The following CPA6 variants were observed in gnomAD, a reference collection of about 807,000 sequenced individuals.
The protein encoded by CPA6 is carboxypeptidase A6, also known as carboxypeptidase B.
A neutral mutation model predicts 63.3 loss-of-function variants in CPA6; 58 were observed. The observed-to-expected ratio is 0.92, with a 90% CI of 0.74 to 1.14. The LOEUF is 1.14. CPA6 is among the 50% of genes most tolerant of loss of function. The pLI, the probability that CPA6 is intolerant of heterozygous loss-of-function variation, is 0.00. For missense variants in CPA6, 565 were observed against 526.6 expected, an observed-to-expected ratio of 1.07 and a Z score of -0.71; for synonymous variants, 185 against 179.0, an observed-to-expected ratio of 1.03 and a Z score of -0.27.
chr8:67,483,164 C>G (rs1587478317), intron 8 of CPA6: 1 of 152,510 alleles, frequency 6.6e-6, no homozygotes, highest in Non-Finnish European at 1.5e-5. Context: ...TGCAAGTAAA[C>G]TAGCCATGAC....
At chr8:67,675,029 G>A (rs1336947292) in intron 1 of CPA6, among the ~76,000 whole-genome samples, 1 of 152,076 alleles carries the variant, frequency 6.6e-6, no homozygotes, top group Non-Finnish European at 1.5e-5. Flanking sequence ...TAGAGGGAGG[G>A]AGCAGGGGCA....
chr8:67,606,957 G>A (rs1488957657), intron 2 of CPA6, among the ~76,000 whole-genome samples: 2 of 152,140 alleles, frequency 1.3e-5, no homozygotes, highest in Non-Finnish European at 2.9e-5. Context: ...GGTCAGGTCT[G>A]TGATATTGTG....
chr8:67,423,384 C>T (rs929112766), intron 10 of CPA6, among the ~76,000 whole-genome samples: 3 of 152,218 alleles, frequency 2.0e-5, no homozygotes, highest in South Asian at 2.1e-4. Context: ...TGTGCCTGGC[C>T]CCAGAAAACC....
intron 1 of CPA6, among the ~76,000 whole-genome samples, chr8:67,738,370 TC>T (rs1817853285): frequency 6.6e-6 from 1 of 152,200 alleles, no homozygotes; most frequent in Admixed American, 6.5e-5. Flanking sequence ...GGAAGACTCC[TC>T]CTTTGGAAGT....
intron 2 of CPA6, among the ~76,000 whole-genome samples, chr8:67,622,285 C>T (rs1815100445): frequency 6.6e-6 from 1 of 152,204 alleles, no homozygotes; most frequent in Admixed American, 6.5e-5. Flanking sequence ...TCAAAACTTG[C>T]TTTGCTTCTT....
rs558954190 is a variant in CPA6 at position 67,496,519 on chromosome 8, T to A, written c.636+10268A>T. On this transcript the variant is annotated intron_variant, in intron 6 of 10. Coordinates refer to ENST00000297770, the MANE Select transcript of CPA6 (RefSeq NM_020361.5). ...TGTGCAACCATCACCACTATATAGTTTATATATATATATATATATATATAT... is the reference window on the plus strand; with the variant it reads ...TGTGCAACCATCACCACTATATAGTATATATATATATATATATATATATAT... Among the ~76,000 whole-genome samples, 73 of 94,106 alleles carry A rather than the reference T, an allele frequency of 7.8e-4. 1 individual carries two copies. Among genetic ancestry groups the A allele is most frequent in the African/African-American group, 3.3e-3 (66 of 20,032 alleles). 61.7% of individuals were successfully genotyped at this position (94,106 alleles called of 152,430 possible).
intron 1 of CPA6, among the ~76,000 whole-genome samples, chr8:67,669,548 G>T (rs1004376726): frequency 1.3e-5 from 2 of 152,116 alleles, no homozygotes; most frequent in African/African-American, 4.8e-5. Context: ...AATTCTTTGG[G>T]AATTTATTTA....
intron 2 of CPA6, among the ~76,000 whole-genome samples, chr8:67,593,678 G>T (rs917750305): frequency 6.6e-6 from 1 of 151,688 alleles, no homozygotes; most frequent in Admixed American, 6.6e-5. Flanking sequence ...TTGGTTTAAA[G>T]TCTGTTTTAT....
chr8:67,690,600 T>C (rs1816795659), intron 1 of CPA6, among the ~76,000 whole-genome samples: 1 of 152,062 alleles, frequency 6.6e-6, no homozygotes, highest in Non-Finnish European at 1.5e-5. Context: ...TATTAAACTC[T>C]GAAAAGCAAT....
chr8:67,435,793 T>C (rs368988384), intron 8 of CPA6, among the ~76,000 whole-genome samples: 1 of 151,884 alleles, frequency 6.6e-6, no homozygotes, highest in East Asian at 1.9e-4. Flanking sequence ...CTTTGGTCCC[T>C]CTCTGGGGGC....
At chr8:67,456,020 C>A (rs1000369364) in intron 8 of CPA6, among the ~76,000 whole-genome samples, 1 of 152,036 alleles carries the variant, frequency 6.6e-6, no homozygotes, top group African/African-American at 2.4e-5. Flanking sequence ...TGTGCTCAGC[C>A]CTAAGATTCT....
chr8:67,496,517 G>GTT (rs1554668256), intron 6 of CPA6, among the ~76,000 whole-genome samples: 51 of 47,406 alleles, frequency 1.1e-3, no homozygotes, highest in Non-Finnish European at 1.5e-3. Context: ...CCACTATATA[G>GTT]TTTATATATA....
At chr8:67,714,691 C>T (rs1002097081) in intron 1 of CPA6, among the ~76,000 whole-genome samples, 1 of 152,066 alleles carries the variant, frequency 6.6e-6, no homozygotes, top group African/African-American at 2.4e-5. Context: ...ATAAATAAAG[C>T]TCAGGATTAA....
At position 67,434,215 on chromosome 8, in the gene CPA6, A is replaced by C; in HGVS notation, c.864T>G (p.Cys288Trp). The C allele has an allele frequency of 6.2e-7, 1 of 1,614,122 alleles. No individual in the cohort carries two copies. ...GAAAAGGGCCACAGTATGTGTCATC[A>C]CAAGGGTGCATAGAAGCTCCTTCAT... ...WCDEGASMHP[C>W]DDTYCGPFPE... is the part of the protein sequence containing the mutation. Residue 288 changes from cysteine to tryptophan, a missense_variant, in exon 9 of 11, where the codon TGT becomes TGG. Coordinates refer to ENST00000297770, the MANE Select transcript of CPA6 (RefSeq NM_020361.5).
At chr8:67,716,781 AT>A (rs1328588772) in intron 1 of CPA6, among the ~76,000 whole-genome samples, 1 of 152,004 alleles carries the variant, frequency 6.6e-6, no homozygotes, top group African/African-American at 2.4e-5. Flanking sequence ...TGGCTTAGTG[AT>A]TTTTTGGCCC....
intron 1 of CPA6, among the ~76,000 whole-genome samples, chr8:67,722,152 C>A (rs1817513070): frequency 6.6e-6 from 1 of 152,170 alleles, no homozygotes; most frequent in African/African-American, 2.4e-5. Flanking sequence ...TCATTCTTTG[C>A]CCATTTAAAC....
At chr8:67,632,625 T>C (rs1324760186) in intron 1 of CPA6, among the ~76,000 whole-genome samples, 7 of 152,208 alleles carry the variant, frequency 4.6e-5, no homozygotes, top group Admixed American at 4.6e-4. Context: ...TGTTTTAATA[T>C]GTGATGTTCT....
intron 1 of CPA6, among the ~76,000 whole-genome samples, chr8:67,631,078 A>G (rs1815317025): frequency 6.6e-6 from 1 of 152,180 alleles, no homozygotes; most frequent in Non-Finnish European, 1.5e-5. Flanking sequence ...GGTCCCATCG[A>G]CCACCCAAGG....
At chr8:67,614,737 CT>C (rs1679107899) in intron 2 of CPA6, among the ~76,000 whole-genome samples, 2 of 152,196 alleles carry the variant, frequency 1.3e-5, no homozygotes, top group African/African-American at 4.8e-5. Context: ...CTTCCCCAGG[CT>C]TGTGCCCAAC....
Sources: gnomAD v4.1 joint callset for allele counts (sites outside exome capture counted in the v4.1 genomes callset) on GRCh38, gnomAD v4.1.1 for gene constraint, MANE v1.5 for transcripts, NCBI Gene and HGNC (gene_info 2026-07-23, HGNC 2026-07-21) for gene names.